Variants in ITGAX observed in about 807,000 individuals in gnomAD.
The protein encoded by ITGAX is integrin alpha-X.
ITGAX carries 99 observed loss-of-function variants against 140.2 expected under a neutral mutation model. That is an observed-to-expected ratio of 0.71 (90% CI 0.60 to 0.83). The LOEUF (loss-of-function observed/expected upper bound fraction) is 0.83, where lower values mean the gene tolerates loss of function less well. Among genes scored for constraint, ITGAX ranks in the 40% least tolerant of loss-of-function variants. ITGAX has a pLI of 0.00. For missense variants in ITGAX, 1,444 were observed against 1,482.0 expected, an observed-to-expected ratio of 0.97 and a Z score of 0.42; for synonymous variants, 631 against 600.4, an observed-to-expected ratio of 1.05 and a Z score of -0.75.
chr16:31,360,246 C>A (rs905839450), intron 7 of ITGAX, 64 bp from the exon 8 acceptor site: 424 of 1,536,686 alleles, frequency 2.8e-4, no homozygotes, highest in Non-Finnish European at 3.7e-4. Context: ...CTAATTTTCA[C>A]AAGGGCACCA....
chr16:31,380,574 A>G lies in ITGAX; in HGVS notation c.3226A>G (p.Thr1076Ala), dbSNP rs746431889. ...GAGTGTGGCTGAAATTACGTTCGAC[A>G]CATCCGTGTACTCCCAGCTTCCAGG... is the stretch of plus-strand genomic sequence containing the variant. The part of the protein sequence containing the change: ...VVSVAEITFD[T>A]SVYSQLPGQE... The change falls in exon 28 of 30, where the codon ACA becomes GCA. Residue 1076 changes from threonine (T) to alanine (A), a missense_variant. Physicochemically the swap from Thr to Ala is moderately conservative, Grantham distance 58 (BLOSUM62 0). Transcript: ENST00000268296. 2.5e-6 allele frequency: 4 copies of G among 1,614,140 alleles called. No homozygotes were observed. In the African/African-American group the frequency reaches 4.0e-5, roughly 16 times the overall value.
In ITGAX at chr16:31,379,600, CAG is replaced by C; in HGVS notation, c.2825_2826del (p.Glu942ValfsTer2). On this transcript the variant is annotated frameshift_variant, in exon 24 of 30. Coordinates refer to ENST00000268296, the MANE Select transcript of ITGAX (RefSeq NM_000887.5). LOFTEE classifies it high-confidence loss of function. Reference sequence around the variant, plus strand: ...CAATTCACCAAATACCTCAACTTCTCAGAGTCTGAGGAGAAGGAAAGCCATGT... The same window carrying C: ...CAATTCACCAAATACCTCAACTTCTCAGTCTGAGGAGAAGGAAAGCCATGT... The C allele has an allele frequency of 1.9e-6, 3 of 1,563,342 alleles. No individual in the cohort carries two copies. The highest frequency in any genetic ancestry group is 2.6e-6 in the Non-Finnish European group (3 of 1,152,576).
Position 31,359,978 on chromosome 16 carries a change from G to C in ITGAX, c.620G>C (p.Arg207Thr). 6.2e-7 allele frequency: 1 copy of C among 1,614,130 alleles called. No homozygotes were observed. Among genetic ancestry groups the C allele is most frequent in the South Asian group, 1.1e-5 (1 of 91,082 alleles). ...FQTHFTFEEF[R>T]RSSNPLSLLA... ...ACACACTTCACTTTCGAGGAATTCA[G>C]GCGCAGCTCAAACCCCCTCAGCCTG... Residue 207 changes from arginine (R) to threonine (T), a missense_variant, in exon 7 of 30, where the codon AGG becomes ACG. Arg to Thr is a moderately conservative substitution (Grantham distance 71, BLOSUM62 -1). Transcript: ENST00000268296.
rs1281512956 is a variant in ITGAX, at chr16:31,382,125, C to G, written c.*218C>G. ...TAGGACAGGGTCCCTGCTGTGTTCC[C>G]CAAAGGACTTGACTTGCAATTTCTA... On this transcript the variant is annotated 3_prime_UTR_variant, in exon 30 of 30. Coordinates refer to ENST00000268296, the MANE Select transcript of ITGAX (RefSeq NM_000887.5). The G allele has an allele frequency of 3.4e-5, 48 of 1,415,558 alleles. No homozygotes were observed. The highest frequency in any genetic ancestry group is 4.2e-5 in the Non-Finnish European group (46 of 1,091,430). 87.7% of individuals were successfully genotyped at this position (1,415,558 alleles called of 1,614,324 possible). A position where few individuals can be genotyped will look rare whatever the true frequency, so the allele number is the denominator to read the frequency against.
At chr16:31,370,359 A>G (rs2080942491) in intron 14 of ITGAX, among the ~76,000 whole-genome samples, 1 of 152,260 alleles carries the variant, frequency 6.6e-6, no homozygotes, top group African/African-American at 2.4e-5. Flanking sequence ...AATGAAGGTG[A>G]TAGGTTCTAC....
intron 16 of ITGAX, 31 bp from the exon 17 acceptor site, chr16:31,371,599 G>C (rs371633744): frequency 8.1e-6 from 13 of 1,613,164 alleles, no homozygotes; most frequent in African/African-American, 1.3e-5. Context: ...AGGAGTTCCT[G>C]TCTCAACGCC....
In ITGAX at chr16:31,371,410, C is replaced by T. The variant is rs759622819; in HGVS notation, c.1918C>T (p.Arg640Trp). The T allele has an allele frequency of 2.7e-5, 43 of 1,614,056 alleles. 1 individual carries two copies. The highest frequency in any genetic ancestry group is 3.3e-4 in the Middle Eastern group (2 of 6,084). The change falls in exon 16 of 30, where the codon CGG becomes TGG. Residue 640 changes from arginine to tryptophan, a missense_variant. Coordinates refer to ENST00000268296, the MANE Select transcript of ITGAX (RefSeq NM_000887.5). The part of the protein sequence containing the change: ...AEIPRSAFEC[R>W]EQVVSEQTLV... ...GATCCCCAGGTCTGCGTTTGAGTGT[C>T]GGGAGCAGGTGGTCTCTGAGCAGAC...
At chr16:31,370,604 T>C (rs2080945467) in intron 14 of ITGAX, among the ~76,000 whole-genome samples, 1 of 152,186 alleles carries the variant, frequency 6.6e-6, no homozygotes, top group Non-Finnish European at 1.5e-5. Context: ...GGAGGTGAGG[T>C]TGGACAAACT....
Position 31,362,733 on chromosome 16 carries a change from G to A in ITGAX, c.1339G>A (p.Ala447Thr), listed in dbSNP as rs2080845864. ...GGTGTCCAGGCAATGGAGGATGAAG[G>A]CCGAAGTCACGGGGACTCAGGTTGG... ...TQVSRQWRMK[A>T]EVTGTQIGSY... Residue 447 changes from alanine (A) to threonine (T), a missense_variant, in exon 12 of 30, where the codon GCC (alanine) becomes ACC (threonine). Physicochemically the swap from Ala to Thr is moderately conservative, Grantham distance 58. Transcript: ENST00000268296. 2 of 1,613,780 alleles carry A rather than the reference G, an allele frequency of 1.2e-6. No individual in the cohort carries two copies. Among genetic ancestry groups the A allele is most frequent in the African/African-American group, 1.3e-5 (1 of 74,872 alleles).
rs2081082006 is a variant in ITGAX at position 31,382,826 on chromosome 16, T to C, written c.*919T>C. 3.1e-6 allele frequency: 1 copy of C among 325,676 alleles called. No homozygotes were observed. Among genetic ancestry groups the C allele is most frequent in the Non-Finnish European group, 5.6e-6 (1 of 177,660 alleles). 20.2% of individuals were successfully genotyped at this position (325,676 alleles called of 1,614,324 possible). Reference sequence around the variant, plus strand: ...CAGGGGCAGAAGAGACCCAACCACTTCTATTTTTTGAGGCTATGAATATAG... The same window carrying C: ...CAGGGGCAGAAGAGACCCAACCACTCCTATTTTTTGAGGCTATGAATATAG... On this transcript the variant is annotated 3_prime_UTR_variant, in exon 30 of 30. Transcript: ENST00000268296.
intron 14 of ITGAX, among the ~76,000 whole-genome samples, chr16:31,368,908 G>A (rs1214357514): frequency 1.3e-5 from 2 of 152,138 alleles, no homozygotes; most frequent in Non-Finnish European, 2.9e-5. Flanking sequence ...ATGTTTCAGA[G>A]AGCACAGGGT....
Position 31,382,617 on chromosome 16 carries a change from A to T in ITGAX, c.*710A>T. The T allele has an allele frequency of 1.4e-6, 1 of 697,824 alleles. No homozygotes were observed. The highest frequency in any genetic ancestry group is 1.5e-5 in the South Asian group (1 of 66,678). The allele number at this position is 697,824 out of a possible 1,614,324, so 43.2% of individuals were successfully genotyped here. Reference sequence around the variant, plus strand: ...TCCAGTGAATTAGTGTCATGTCAGCATCAGCTCAGGGCTTCATCGTGGGGC... The same window carrying T: ...TCCAGTGAATTAGTGTCATGTCAGCTTCAGCTCAGGGCTTCATCGTGGGGC... On this transcript the variant is annotated 3_prime_UTR_variant, in exon 30 of 30. Coordinates refer to ENST00000268296, the MANE Select transcript of ITGAX (RefSeq NM_000887.5).
At position 31,371,745 on chromosome 16, in the gene ITGAX, G is replaced by C. The variant is rs1597077217; in HGVS notation, c.2121G>C (p.Gly707=). The C allele has an allele frequency of 6.2e-7, 1 of 1,613,950 alleles. No homozygotes were observed. The highest frequency in any genetic ancestry group is 1.7e-5 in the Admixed American group (1 of 60,000). ...GTCTGAGCCGAGTCCGAGTCCTCGG[G>C]CTGAAGGCACACTGTGAAAACTTCA... ...NRSLSRVRVL[G]LKAHCENFNL... The change falls in exon 17 of 30, where the codon GGG becomes GGC. Residue 707 remains glycine, a synonymous_variant. Coordinates refer to ENST00000268296, the MANE Select transcript of ITGAX (RefSeq NM_000887.5).
chr16:31,359,869 C>G, intron 6 of ITGAX, 39 bp downstream of exon 6: 1 of 1,613,934 alleles, frequency 6.2e-7, no homozygotes, highest in Non-Finnish European at 8.5e-7. Flanking sequence ...GGGGTGGGTG[C>G]TTCGATCCTG....
In ITGAX at chr16:31,371,637, C is replaced by A; in HGVS notation, c.2013C>A (p.Leu671=). The stretch of plus-strand genomic sequence containing the variant: ...CCCTGCGACCGCCTACAGGTGACCT[C>A]CAAAGCTCTGTGACCTTGGACCTGG... ...RSKNLLGSRD[L]QSSVTLDLAL... is the part of the protein sequence containing the mutation. Residue 671 remains leucine (L), a synonymous_variant, in exon 17 of 30, where the codon CTC becomes CTA. Transcript: ENST00000268296. The A allele has an allele frequency of 6.2e-7, 1 of 1,614,164 alleles. No homozygotes were observed. The highest frequency in any genetic ancestry group is 1.1e-5 in the South Asian group (1 of 91,086).
intron 19 of ITGAX, among the ~76,000 whole-genome samples, 197 bp downstream of exon 19, chr16:31,372,867 T>C (rs1412080126): frequency 6.6e-6 from 1 of 152,002 alleles, no homozygotes; most frequent in Non-Finnish European, 1.5e-5. Context: ...GGCCAGGAGT[T>C]AGGGATCAGC....
Position 31,372,645 on chromosome 16 carries a change from C to G in ITGAX, c.2341C>G (p.Leu781Val), listed in dbSNP as rs779653330. ...AGCCGACCATATCTGCCAGGACAAT[C>G]TCGGCATCTCCTTCAGCTTCCCAGG... ...CGADHICQDN[L>V]GISFSFPGLK... The change falls in exon 19 of 30, where the codon CTC becomes GTC. Residue 781 changes from leucine (L) to valine (V), a missense_variant. Coordinates refer to ENST00000268296, the MANE Select transcript of ITGAX (RefSeq NM_000887.5). 1 of 1,614,130 alleles carries G rather than the reference C, an allele frequency of 6.2e-7. No homozygotes were observed. The highest frequency in any genetic ancestry group is 1.1e-5 in the South Asian group (1 of 91,082).
intron 8 of ITGAX, chr16:31,360,795 C>T (rs1020229753): frequency 1.7e-5 from 9 of 519,810 alleles, no homozygotes; most frequent in East Asian, 7.0e-5. Context: ...GGATTACAGG[C>T]GTGAACCACC....
Position 31,355,216 on chromosome 16 carries a change from G to C in ITGAX, c.-39G>C. On this transcript the variant is annotated 5_prime_UTR_variant, in exon 1 of 30. Coordinates refer to ENST00000268296, the MANE Select transcript of ITGAX (RefSeq NM_000887.5). ...ACCTTGGTCCAGCTCTTCCTGCAAC[G>C]GCCCAGGAGCTCAGAGCTCCACATC... 6.2e-7 allele frequency: 1 copy of C among 1,612,670 alleles called. No homozygotes were observed. Among genetic ancestry groups the C allele is most frequent in the Non-Finnish European group, 8.5e-7 (1 of 1,179,266 alleles).
Sources: gnomAD v4.1 joint callset for allele counts (sites outside exome capture counted in the v4.1 genomes callset) on GRCh38, gnomAD v4.1.1 for gene constraint, MANE v1.5 for transcripts, NCBI Gene and HGNC (gene_info 2026-07-23, HGNC 2026-07-21) for gene names.